MYBPC1: variants seen among roughly 807,000 people sequenced by gnomAD.
The protein encoded by MYBPC1 is myosin-binding protein C, slow-type.
In MYBPC1, 52 loss-of-function variants were observed where a neutral mutation model predicts 147.1. The ratio of observed to expected loss-of-function variants is 0.35; its 90% CI spans 0.28 to 0.45. The LOEUF is 0.45. MYBPC1 is among the 20% of genes least tolerant of loss of function. The probability of loss-of-function intolerance (pLI) is 1.00; values close to 1 mark genes in which losing one functional copy is unlikely to be tolerated. For synonymous variants in MYBPC1, 477 were observed against 475.9 expected, an observed-to-expected ratio of 1.00 and a Z score of -0.03; for missense variants, 1,228 against 1,440.3, an observed-to-expected ratio of 0.85 and a Z score of 2.39.
downstream of MYBPC1, among the ~76,000 whole-genome samples, chr12:101,689,781 C>T (rs1290770258): frequency 6.6e-6 from 1 of 152,150 alleles, no homozygotes; most frequent in Non-Finnish European, 1.5e-5. Context: ...AGAGTGGTTC[C>T]TCCACCCAAG....
chr12:101,599,963 T>C (rs1879184681), intron 1 of MYBPC1, among the ~76,000 whole-genome samples: 1 of 152,218 alleles, frequency 6.6e-6, no homozygotes, highest in Non-Finnish European at 1.5e-5. Flanking sequence ...AGTAGCCTGC[T>C]TTTATGACTG....
chr12:101,692,183 G>A, the MYBPC1 span, among the ~76,000 whole-genome samples: 2 of 152,142 alleles, frequency 1.3e-5, no homozygotes, highest in Non-Finnish European at 1.5e-5. Context: ...AGACTAGGAA[G>A]GTAGACCGGG....
At chr12:101,688,946 C>T (rs1234803852), downstream of MYBPC1, among the ~76,000 whole-genome samples, 2 of 120,246 alleles carry the variant, frequency 1.7e-5, no homozygotes, top group East Asian at 2.3e-4. Flanking sequence ...AGAGCCAGAC[C>T]GTATCTCAAA....
intron 12 of MYBPC1, among the ~76,000 whole-genome samples, chr12:101,646,351 C>G (rs372406486): frequency 2.0e-5 from 3 of 151,172 alleles, no homozygotes; most frequent in East Asian, 3.9e-4. Flanking sequence ...AAGAGCAGAT[C>G]AAAATTATAT....
intron 11 of MYBPC1, among the ~76,000 whole-genome samples, chr12:101,644,113 T>G (rs1437887726): frequency 1.3e-5 from 2 of 152,198 alleles, no homozygotes; most frequent in Non-Finnish European, 2.9e-5. Flanking sequence ...CTCAGCTCAC[T>G]GCAACCTCTG....
chr12:101,606,467 T>TTA (rs1882233342), intron 1 of MYBPC1, among the ~76,000 whole-genome samples: 1 of 74,080 alleles, frequency 1.3e-5, no homozygotes, highest in Non-Finnish European at 2.3e-5. Context: ...CAATTTAGTA[T>TTA]TTTTTTTTTT....
At chr12:101,618,854 CGTGTGTGTGTGT>C (rs35811344) in intron 3 of MYBPC1, among the ~76,000 whole-genome samples, 1,929 of 136,870 alleles carry the variant, frequency 0.014, 50 homozygotes, top group East Asian at 0.12. Context: ...CAAAAACTGC[CGTGTGTGTGTGT>C]GTGTGTGTGT....
At chr12:101,662,284 G>A in intron 20 of MYBPC1, 74 bp from the exon 21 acceptor site, 2 of 1,490,592 alleles carry the variant, frequency 1.3e-6, no homozygotes, top group African/African-American at 1.4e-5. Flanking sequence ...AAATTTTAAG[G>A]ACTTCTATTA....
At chr12:101,643,770 T>C (rs1389559813) in intron 11 of MYBPC1, among the ~76,000 whole-genome samples, 1 of 152,212 alleles carries the variant, frequency 6.6e-6, no homozygotes, top group African/African-American at 2.4e-5. Context: ...TTCTATGTTA[T>C]TTAAAATATT....
intron 15 of MYBPC1, chr12:101,650,692 C>A (rs531089502): frequency 1.7e-5 from 3 of 171,628 alleles, no homozygotes; most frequent in Non-Finnish European, 3.8e-5. Flanking sequence ...CATCAGTCAG[C>A]GACATATTTT....
rs755565984 is a variant in MYBPC1, at chr12:101,680,378, T to C, written c.3282T>C (p.Ile1094=). Reference sequence around the variant, plus strand: ...CCTGGATGAAAAACAAAGTTGCTATTGTGGATGATCCAAGATACAGGATGT... The same window carrying C: ...CCTGGATGAAAAACAAAGTTGCTATCGTGGATGATCCAAGATACAGGATGT... ...KITWMKNKVA[I]VDDPRYRMFS... Residue 1094 remains isoleucine, a synonymous_variant, in exon 29 of 32, where the codon ATT becomes ATC. Transcript: ENST00000361466. 21 of 1,614,110 alleles carry C rather than the reference T, an allele frequency of 1.3e-5. No individual in the cohort carries two copies. In the East Asian group the frequency reaches 2.7e-4, roughly 21 times the overall value.
At chr12:101,609,000 G>T (rs1349842928) in intron 1 of MYBPC1, among the ~76,000 whole-genome samples, 1 of 152,070 alleles carries the variant, frequency 6.6e-6, no homozygotes, top group African/African-American at 2.4e-5. Context: ...AGCGGCTTTT[G>T]TGCAGGGAGG....
chr12:101,668,963 T>C (rs143056105), intron 23 of MYBPC1, among the ~76,000 whole-genome samples: 2,097 of 152,162 alleles, frequency 0.014, 57 homozygotes, highest in African/African-American at 0.048. Context: ...GGCACACGCC[T>C]GTGGTCCCAG....
At position 101,652,777 on chromosome 12, in the gene MYBPC1, T is replaced by A. The variant is rs1894757391; in HGVS notation, c.1626T>A (p.His542Gln). Residue 542 changes from histidine to glutamine, a missense_variant, in exon 17 of 32, where the codon CAT becomes CAA. His to Gln is a conservative substitution (Grantham distance 24). This residue lies in a region of MYBPC1 where 1,077 missense variants were observed against 1,314.2 expected (regional missense o/e 0.82). Coordinates refer to ENST00000361466, the MANE Select transcript of MYBPC1 (RefSeq NM_002465.4). The stretch of plus-strand genomic sequence containing the variant: ...ATGTTACTCTGCCTGCCAAAGTTCA[T>A]GTTATTGGTGAGTAGATAAAATAAT... The part of the protein sequence containing the change: ...AYNVTLPAKV[H>Q]VIDPPKIILD... 7.5e-6 allele frequency: 12 copies of A among 1,609,406 alleles called. No homozygotes were observed. The highest frequency in any genetic ancestry group is 1.0e-5 in the Non-Finnish European group (12 of 1,175,736).
chr12:101,669,121 T>A (rs1392889486), intron 23 of MYBPC1, among the ~76,000 whole-genome samples: 3 of 152,084 alleles, frequency 2.0e-5, no homozygotes, highest in Non-Finnish European at 2.9e-5. Flanking sequence ...ATAATAACTT[T>A]CATCAAATCT....
chr12:101,673,061 C>T (rs1899071002), intron 24 of MYBPC1, among the ~76,000 whole-genome samples: 1 of 152,208 alleles, frequency 6.6e-6, no homozygotes, highest in Admixed American at 6.5e-5. Flanking sequence ...ATGCTCTTAA[C>T]AATTATCCTG....
intron 8 of MYBPC1, 83 bp from the exon 9 acceptor site, chr12:101,634,471 G>GTC (rs2136093442): frequency 8.7e-7 from 1 of 1,144,914 alleles, no homozygotes; most frequent in South Asian, 1.2e-5. Context: ...TCCATCTAAA[G>GTC]AATCCCCACA....
intron 3 of MYBPC1, 27 bp from the exon 4 acceptor site, chr12:101,626,845 A>G: frequency 6.3e-7 from 1 of 1,599,144 alleles, no homozygotes; most frequent in Non-Finnish European, 8.6e-7. Flanking sequence ...TTTCTCCTTG[A>G]CTTTTTACTC....
chr12:101,657,135 T>G (rs1895678607), intron 18 of MYBPC1, among the ~76,000 whole-genome samples: 1 of 152,002 alleles, frequency 6.6e-6, no homozygotes, highest in East Asian at 1.9e-4. Context: ...AGATGAAATC[T>G]TAAAAGAAAA....
Sources: gnomAD v4.1 joint callset for allele counts (sites outside exome capture counted in the v4.1 genomes callset) on GRCh38, gnomAD v4.1.1 for gene constraint, gnomAD v4.1.1 regional missense constraint, MANE v1.5 for transcripts, NCBI Gene and HGNC (gene_info 2026-07-23, HGNC 2026-07-21) for gene names.